IGSF21: variants seen among roughly 807,000 people sequenced by gnomAD.
IGSF21 encodes the protein immunoglobin superfamily member 21, also known as immunoglobulin superfamily member 21.
IGSF21 carries 28 observed loss-of-function variants against 46.8 expected under a neutral mutation model. The ratio of observed to expected loss-of-function variants is 0.60; its 90% CI spans 0.44 to 0.82. The LOEUF (loss-of-function observed/expected upper bound fraction) is 0.82, where lower values mean the gene tolerates loss of function less well. IGSF21 is among the 40% of genes least tolerant of loss of function. The probability of loss-of-function intolerance (pLI) is 0.00; values close to 1 mark genes in which losing one functional copy is unlikely to be tolerated. For synonymous variants in IGSF21, 284 were observed against 273.6 expected (o/e 1.04, Z -0.38); for missense variants, 624 against 665.5 (o/e 0.94, Z 0.69).
At chr1:18,225,244 G>C (rs1372786517) in intron 1 of IGSF21, among the ~76,000 whole-genome samples, 1 of 151,782 alleles carries the variant, frequency 6.6e-6, no homozygotes, top group Admixed American at 6.6e-5. Flanking sequence ...CACACTTCCT[G>C]ATTCACCTCT....
chr1:18,223,959 C>A (rs2084536739), intron 1 of IGSF21, among the ~76,000 whole-genome samples: 1 of 152,200 alleles, frequency 6.6e-6, no homozygotes, highest in Non-Finnish European at 1.5e-5. Context: ...CAAGTAGGGC[C>A]ATCCCTGGAA....
At chr1:18,141,501 G>A (rs2086414959) in intron 1 of IGSF21, among the ~76,000 whole-genome samples, 1 of 152,096 alleles carries the variant, frequency 6.6e-6, no homozygotes, top group Admixed American at 6.5e-5. Context: ...AGGGCAGGGG[G>A]TTGGGGGAGA....
rs763611804 is a variant in IGSF21, at chr1:18,376,829, G to A, written c.1131G>A (p.Thr377=). Residue 377 remains threonine, a synonymous_variant, in exon 8 of 10, where the codon ACG becomes ACA. Coordinates refer to ENST00000251296, the MANE Select transcript of IGSF21 (RefSeq NM_032880.5). ...QNEVFPEPMF[T]WTRVGSRLLD... The stretch of plus-strand genomic sequence containing the variant: ...AAGTCTTCCCGGAGCCCATGTTCAC[G>A]TGGACGCGGGTTGGGAGCCGCCTCC... 1.4e-5 allele frequency: 22 copies of A among 1,602,564 alleles called. No individual in the cohort carries two copies. Among genetic ancestry groups the A allele is most frequent in the South Asian group, 3.3e-5 (3 of 90,504 alleles).
At chr1:18,153,476 G>T (rs78562663) in intron 1 of IGSF21, among the ~76,000 whole-genome samples, 3,899 of 152,274 alleles carry the variant, frequency 0.026, 192 homozygotes, top group African/African-American at 0.089. Context: ...GACCCTAAGC[G>T]CAGCCAAACC....
At chr1:18,336,608 A>G (rs982555314) in intron 4 of IGSF21, among the ~76,000 whole-genome samples, 1 of 152,182 alleles carries the variant, frequency 6.6e-6, no homozygotes, top group Non-Finnish European at 1.5e-5. Context: ...TAAGGCCTCA[A>G]TCTAAGGTGC....
At chr1:18,280,336 C>A (rs1028932687) in intron 2 of IGSF21, among the ~76,000 whole-genome samples, 1 of 152,148 alleles carries the variant, frequency 6.6e-6, no homozygotes, top group African/African-American at 2.4e-5. Flanking sequence ...AACCCAATGC[C>A]TCTTCCCAAT....
chr1:18,179,652 G>T (rs1191141949), intron 1 of IGSF21, among the ~76,000 whole-genome samples: 1 of 152,114 alleles, frequency 6.6e-6, no homozygotes, highest in Non-Finnish European at 1.5e-5. Context: ...TGGGGTCGGG[G>T]TGACGGATGC....
chr1:18,231,134 C>T lies in IGSF21; in HGVS notation c.183+3124C>T, dbSNP rs1046833111. Among the ~76,000 whole-genome samples, 11 of 152,148 alleles carry T rather than the reference C, an allele frequency of 7.2e-5. No homozygotes were observed. In the East Asian group the frequency reaches 1.3e-3, roughly 19 times the overall value. Reference sequence around the variant, plus strand: ...AAGAAGCAGGGCATTGTGATGAGGCCGCCACTGCCTGCTCAGCACAGTGGG... The same window carrying T: ...AAGAAGCAGGGCATTGTGATGAGGCTGCCACTGCCTGCTCAGCACAGTGGG... On this transcript the variant is annotated intron_variant, in intron 2 of 9. Transcript: ENST00000251296.
rs543261603 is a variant in IGSF21 at position 18,315,845 on chromosome 1, G to T, written c.306-19047G>T. ...TGGATGGCTAGATAGGTAGATGGGGGGTGAGTGGATGGATAGCTGGAGAGA... is the reference window on the plus strand; with the variant it reads ...TGGATGGCTAGATAGGTAGATGGGGTGTGAGTGGATGGATAGCTGGAGAGA... On this transcript the variant is annotated intron_variant, in intron 3 of 9. Coordinates refer to ENST00000251296, the MANE Select transcript of IGSF21 (RefSeq NM_032880.5). Among the ~76,000 whole-genome samples the T allele has an allele frequency of 1.3e-4, 17 of 127,992 alleles. No individual in the cohort carries two copies. The East Asian group carries it at 4.0e-3, about 30-fold the overall frequency. 84.0% of individuals were successfully genotyped at this position (127,992 alleles called of 152,430 possible). A position where few individuals can be genotyped will look rare whatever the true frequency, so the allele number is the denominator to read the frequency against.
intron 2 of IGSF21, among the ~76,000 whole-genome samples, chr1:18,287,769 C>T (rs1172765160): frequency 1.3e-5 from 2 of 152,210 alleles, no homozygotes; most frequent in Non-Finnish European, 2.9e-5. Flanking sequence ...CTAGCAAATT[C>T]TCGGTCCCTG....
At chr1:18,280,287 G>T (rs1337614060) in intron 2 of IGSF21, among the ~76,000 whole-genome samples, 1 of 152,072 alleles carries the variant, frequency 6.6e-6, no homozygotes, top group Non-Finnish European at 1.5e-5. Flanking sequence ...CAAGTTTGCA[G>T]CCCTGAAAGA....
At chr1:18,330,801 G>A (rs958269057) in intron 3 of IGSF21, among the ~76,000 whole-genome samples, 1 of 152,152 alleles carries the variant, frequency 6.6e-6, no homozygotes, top group African/African-American at 2.4e-5. Flanking sequence ...GCAGCTTAAG[G>A]TTCACAGCAA....
At chr1:18,249,849 C>T (rs537549015) in intron 2 of IGSF21, among the ~76,000 whole-genome samples, 1 of 152,306 alleles carries the variant, frequency 6.6e-6, no homozygotes, top group African/African-American at 2.4e-5. Context: ...GGCCCTGGCT[C>T]TGGACCACCT....
At chr1:18,282,671 C>CAA (rs1292589679) in intron 2 of IGSF21, among the ~76,000 whole-genome samples, 46 of 151,372 alleles carry the variant, frequency 3.0e-4, no homozygotes, top group African/African-American at 1.1e-3. Flanking sequence ...CACACACACA[C>CAA]AAACACACAC....
intron 2 of IGSF21, among the ~76,000 whole-genome samples, chr1:18,258,870 G>A (rs2084915273): frequency 6.6e-6 from 1 of 152,188 alleles, no homozygotes; most frequent in Non-Finnish European, 1.5e-5. Context: ...GCCAAATCCA[G>A]TTTCCAGACA....
chr1:18,288,266 G>A (rs1425542898), intron 2 of IGSF21, among the ~76,000 whole-genome samples: 1 of 152,064 alleles, frequency 6.6e-6, no homozygotes, highest in Non-Finnish European at 1.5e-5. Context: ...CCCTGAAAAG[G>A]GCCTACTTCC....
chr1:18,128,598 C>T (rs1049493424), intron 1 of IGSF21, among the ~76,000 whole-genome samples: 7 of 152,144 alleles, frequency 4.6e-5, no homozygotes, highest in Non-Finnish European at 1.0e-4. Context: ...GCATTCCAGG[C>T]CCCAGGGAAG....
chr1:18,281,158 A>C (rs554216362), intron 2 of IGSF21, among the ~76,000 whole-genome samples: 1 of 152,360 alleles, frequency 6.6e-6, no homozygotes, highest in East Asian at 1.9e-4. Flanking sequence ...CAAGTGAATG[A>C]ATGAATGAAC....
At chr1:18,202,278 G>A (rs961791761) in intron 1 of IGSF21, among the ~76,000 whole-genome samples, 1 of 152,202 alleles carries the variant, frequency 6.6e-6, no homozygotes, top group African/African-American at 2.4e-5. Flanking sequence ...AGGGCTGGCT[G>A]GGACTGGCAC....
Sources: allele counts gnomAD v4.1 joint callset (sites outside exome capture counted in the v4.1 genomes callset), GRCh38; gene constraint gnomAD v4.1.1; transcripts MANE v1.5; gene names NCBI Gene and HGNC (gene_info 2026-07-23, HGNC 2026-07-21).